Variants in DOCK7 observed in about 807,000 individuals in gnomAD.
DOCK7 encodes the protein dedicator of cytokinesis protein 7.
A neutral mutation model predicts 271.0 loss-of-function variants in DOCK7; 138 were observed. The observed-to-expected ratio is 0.51, with a 90% CI of 0.44 to 0.59. The LOEUF is 0.59. Ranked by LOEUF, DOCK7 falls within the 20% of genes least tolerant of loss-of-function variation. DOCK7 has a pLI of 0.00. For missense variants in DOCK7, 2,066 were observed against 2,592.4 expected, an observed-to-expected ratio of 0.80 and a Z score of 4.41; for synonymous variants, 823 against 876.1, an observed-to-expected ratio of 0.94 and a Z score of 1.07.
At chr1:62,649,830 G>C (rs972204141) in intron 4 of DOCK7, among the ~76,000 whole-genome samples, 3 of 152,044 alleles carry the variant, frequency 2.0e-5, no homozygotes, top group Non-Finnish European at 4.4e-5. Flanking sequence ...TTTCAATATG[G>C]AGCCTTAGCA....
chr1:62,640,520 CA>C (rs767576399), intron 7 of DOCK7, among the ~76,000 whole-genome samples: 1 of 151,396 alleles, frequency 6.6e-6, no homozygotes, highest in African/African-American at 2.4e-5. Context: ...GACCCCGTCT[CA>C]AAAAAAAGAA....
intron 14 of DOCK7, among the ~76,000 whole-genome samples, chr1:62,617,968 A>G (rs1423144972): frequency 6.6e-6 from 1 of 152,030 alleles, no homozygotes; most frequent in Non-Finnish European, 1.5e-5. Context: ...GTCCTCAGGA[A>G]CTTGGTAAAT....
intron 2 of DOCK7, among the ~76,000 whole-genome samples, chr1:62,660,692 C>T (rs1658558100): frequency 6.6e-6 from 1 of 152,182 alleles, no homozygotes. Flanking sequence ...CTCTCATGTT[C>T]ATAGCAGCAT....
At chr1:62,643,464 A>T (rs1656279064) in intron 7 of DOCK7, among the ~76,000 whole-genome samples, 1 of 152,180 alleles carries the variant, frequency 6.6e-6, no homozygotes, top group African/African-American at 2.4e-5. Context: ...TCTGGCTTCC[A>T]TTGCTGCTGT....
intron 14 of DOCK7, among the ~76,000 whole-genome samples, chr1:62,588,161 C>A (rs1408384151): frequency 6.6e-6 from 1 of 152,202 alleles, no homozygotes; most frequent in Non-Finnish European, 1.5e-5. Context: ...ATGACTATGA[C>A]TGACCAACCA....
At chr1:62,654,838 G>A (rs1205874234) in intron 2 of DOCK7, among the ~76,000 whole-genome samples, 1 of 152,154 alleles carries the variant, frequency 6.6e-6, no homozygotes, top group Non-Finnish European at 1.5e-5. Context: ...GTATAAAGAT[G>A]AAAAAGAGAG....
chr1:62,476,255 G>A, intron 44 of DOCK7, 99 bp from the exon 45 acceptor site: 1 of 767,196 alleles, frequency 1.3e-6, no homozygotes, highest in Non-Finnish European at 2.1e-6. Flanking sequence ...GAGAATTAGT[G>A]AGTTCTGTAC....
chr1:62,496,747 C>A (rs960013449), intron 37 of DOCK7, among the ~76,000 whole-genome samples: 2 of 152,012 alleles, frequency 1.3e-5, no homozygotes, highest in African/African-American at 4.8e-5. Context: ...AGAAATTCTG[C>A]TTATCTCTTT....
At chr1:62,557,065 CTTTT>C (rs11324868) in intron 20 of DOCK7, among the ~76,000 whole-genome samples, 4 of 137,226 alleles carry the variant, frequency 2.9e-5, no homozygotes, top group Non-Finnish European at 4.7e-5. Flanking sequence ...TTTTTCTTTT[CTTTT>C]TTTTTTTTTT....
chr1:62,470,680 G>C (rs767319745), intron 48 of DOCK7, among the ~76,000 whole-genome samples: 4 of 152,120 alleles, frequency 2.6e-5, no homozygotes, highest in Non-Finnish European at 5.9e-5. Context: ...TGTAATCCCA[G>C]CTACTCAGGA....
At chr1:62,584,817 C>A (rs1267202453) in intron 15 of DOCK7, 4 of 732,152 alleles carry the variant, frequency 5.5e-6, no homozygotes, top group Admixed American at 2.0e-5. Flanking sequence ...TGAGAAGATG[C>A]TATGGTAGCA....
chr1:62,594,363 C>T (rs532874859), intron 14 of DOCK7, among the ~76,000 whole-genome samples: 2 of 114,388 alleles, frequency 1.7e-5, no homozygotes, highest in South Asian at 5.8e-4. Context: ...GTTCAAATTA[C>T]TATAAGAATT....
chr1:62,667,481 T>C (rs1659448246), intron 1 of DOCK7, among the ~76,000 whole-genome samples: 1 of 152,168 alleles, frequency 6.6e-6, no homozygotes, highest in Non-Finnish European at 1.5e-5. Context: ...TGATGAATGA[T>C]GGGTTGTATC....
intron 22 of DOCK7, 47 bp from the exon 23 acceptor site, chr1:62,545,086 G>A (rs1034563477): frequency 2.1e-6 from 3 of 1,399,760 alleles, no homozygotes; most frequent in African/African-American, 2.9e-5. Flanking sequence ...AATATTACAT[G>A]TTGCATGCTA....
chr1:62,463,848 A>T (rs1426645482), intron 48 of DOCK7, among the ~76,000 whole-genome samples: 20 of 152,200 alleles, frequency 1.3e-4, no homozygotes. Context: ...AGATAAATAA[A>T]CATAGGGAGG....
chr1:62,671,719 T>C (rs1242619654), intron 1 of DOCK7, among the ~76,000 whole-genome samples: 1 of 152,210 alleles, frequency 6.6e-6, no homozygotes, highest in Admixed American at 6.5e-5. Context: ...AGATCATTAT[T>C]ATCATCTTTG....
chr1:62,620,946 A>C (rs1026608382), intron 12 of DOCK7, among the ~76,000 whole-genome samples: 1 of 151,666 alleles, frequency 6.6e-6, no homozygotes, highest in Admixed American at 6.6e-5. Context: ...TGAAAAAGAG[A>C]AGAGAAAAAT....
At chr1:62,479,501 A>G (rs1646056823) in intron 43 of DOCK7, among the ~76,000 whole-genome samples, 1 of 152,192 alleles carries the variant, frequency 6.6e-6, no homozygotes, top group Admixed American at 6.5e-5. Flanking sequence ...AATTCTGATT[A>G]AAACCATAAG....
At chr1:62,515,214 T>C (rs1571361499) in intron 31 of DOCK7, among the ~76,000 whole-genome samples, 1 of 151,822 alleles carries the variant, frequency 6.6e-6, no homozygotes, top group Non-Finnish European at 1.5e-5. Context: ...ACAGAAAGTG[T>C]GGCTCCCGAG....
Sources: gnomAD v4.1 joint callset for allele counts (sites outside exome capture counted in the v4.1 genomes callset) on GRCh38, gnomAD v4.1.1 for gene constraint, MANE v1.5 for transcripts, NCBI Gene and HGNC (gene_info 2026-07-23, HGNC 2026-07-21) for gene names.